Variants in TMOD2 observed in about 807,000 individuals in gnomAD.
The protein encoded by TMOD2 is tropomodulin 2.
TMOD2 carries 22 observed loss-of-function variants against 39.9 expected under a neutral mutation model. The ratio of observed to expected loss-of-function variants is 0.55; its 90% confidence interval spans 0.39 to 0.79. The LOEUF (loss-of-function observed/expected upper bound fraction) is 0.79. Ranked by LOEUF, TMOD2 falls within the 30% of genes least tolerant of loss-of-function variation. The pLI is 0.00. For missense variants in TMOD2, 386 were observed against 413.3 expected, an observed-to-expected ratio of 0.93 and a Z score of 0.57; for synonymous variants, 123 against 146.1, an observed-to-expected ratio of 0.84 and a Z score of 1.14.
intron 6 of TMOD2, 82 bp from the exon 7 acceptor site, chr15:51,782,639 T>G (rs2055938528): frequency 6.8e-6 from 7 of 1,029,276 alleles, no homozygotes; most frequent in Non-Finnish European, 1.1e-5. Context: ...ACATACCTGG[T>G]ATTTAAAGGT....
At chr15:51,762,809 C>G (rs578182424) in intron 1 of TMOD2, among the ~76,000 whole-genome samples, 12 of 152,276 alleles carry the variant, frequency 7.9e-5, no homozygotes, top group African/African-American at 2.6e-4. Context: ...AGTATACATT[C>G]TTTTTGGTCT....
intron 6 of TMOD2, among the ~76,000 whole-genome samples, chr15:51,782,234 G>A (rs1042104259): frequency 2.0e-5 from 3 of 152,166 alleles, no homozygotes; most frequent in Admixed American, 6.5e-5. Context: ...TCATTGAATT[G>A]CAAGAAAGAA....
intron 1 of TMOD2, among the ~76,000 whole-genome samples, chr15:51,758,771 G>A (rs1054724844): frequency 6.6e-6 from 1 of 152,230 alleles, no homozygotes. Context: ...CTTCCCTGAA[G>A]AAGTGAAGCT....
chr15:51,790,361 T>G (rs933448385), intron 7 of TMOD2, among the ~76,000 whole-genome samples: 2 of 152,164 alleles, frequency 1.3e-5, no homozygotes, highest in African/African-American at 4.8e-5. Context: ...GAGGTAATAA[T>G]TAATAGCCTA....
At chr15:51,793,635 C>A (rs917691202) in intron 7 of TMOD2, among the ~76,000 whole-genome samples, 1 of 152,210 alleles carries the variant, frequency 6.6e-6, no homozygotes, top group Non-Finnish European at 1.5e-5. Flanking sequence ...ATGTAATATG[C>A]TCAAATATTT....
intron 5 of TMOD2, among the ~76,000 whole-genome samples, chr15:51,779,297 C>T (rs950435575): frequency 6.6e-6 from 1 of 152,252 alleles, no homozygotes; most frequent in Non-Finnish European, 1.5e-5. Flanking sequence ...GACGTTTATA[C>T]GTACACATAC....
At chr15:51,795,917 T>C (rs922873147) in intron 7 of TMOD2, among the ~76,000 whole-genome samples, 7 of 112,458 alleles carry the variant, frequency 6.2e-5, no homozygotes, top group Admixed American at 1.1e-4. Flanking sequence ...CCACCCGACT[T>C]TTTCTCTCTT....
chr15:51,767,979 G>A (rs2055827187), intron 2 of TMOD2, among the ~76,000 whole-genome samples: 2 of 152,188 alleles, frequency 1.3e-5, no homozygotes, highest in South Asian at 4.1e-4. Context: ...AAGGAAAGAG[G>A]TCTTTTGCCT....
At chr15:51,797,199 C>A (rs565559649) in intron 7 of TMOD2, among the ~76,000 whole-genome samples, 165 of 152,326 alleles carry the variant, frequency 1.1e-3, no homozygotes, top group South Asian at 3.5e-3. Flanking sequence ...ATTTTCCCCC[C>A]ACACTGTACT....
chr15:51,752,842 G>A (rs955097640), intron 1 of TMOD2: 1 of 152,124 alleles, frequency 6.6e-6, no homozygotes, highest in Non-Finnish European at 1.5e-5. Flanking sequence ...TGATTTTCTC[G>A]ATCGACTCTC....
Position 51,809,847 on chromosome 15 carries a change from A to G in TMOD2, c.*1393A>G, listed in dbSNP as rs192094559. 3.2e-4 allele frequency: 49 copies of G among 152,300 alleles called. 1 individual carries two copies. In the East Asian group the frequency reaches 4.1e-3, roughly 13 times the overall value. The allele number at this position is 152,300 out of a possible 1,614,324, so 9.4% of individuals were successfully genotyped here. On this transcript the variant is annotated 3_prime_UTR_variant, in exon 10 of 10. Coordinates refer to ENST00000249700, the MANE Select transcript of TMOD2 (RefSeq NM_014548.4). ...GCTGAGTGTTCCTGAGTTGCCTAGT[A>G]GCAATAAAACAAGTGAATAGGAAAA... is the stretch of plus-strand genomic sequence containing the variant.
chr15:51,784,475 T>C (rs1303159813), intron 7 of TMOD2: 1 of 152,240 alleles, frequency 6.6e-6, no homozygotes, highest in African/African-American at 2.4e-5. Context: ...GTTAAATAAA[T>C]GAATGATCAT....
At chr15:51,794,447 G>T (rs1033838801) in intron 7 of TMOD2, among the ~76,000 whole-genome samples, 2 of 152,100 alleles carry the variant, frequency 1.3e-5, no homozygotes, top group Admixed American at 1.3e-4. Context: ...GTGGTTACTG[G>T]CTCATGCCTG....
At chr15:51,787,962 A>G (rs2055982363) in intron 7 of TMOD2, among the ~76,000 whole-genome samples, 2 of 152,144 alleles carry the variant, frequency 1.3e-5, no homozygotes, top group South Asian at 4.1e-4. Context: ...AAGGAACACA[A>G]CTGCTCACCA....
At chr15:51,791,672 A>AACAGAACT (rs2056013096) in intron 7 of TMOD2, among the ~76,000 whole-genome samples, 1 of 152,220 alleles carries the variant, frequency 6.6e-6, no homozygotes, top group African/African-American at 2.4e-5. Context: ...AGACCAATGG[A>AACAGAACT]ACAGAACGGA....
At chr15:51,757,438 T>G (rs1166815792) in intron 1 of TMOD2, among the ~76,000 whole-genome samples, 3 of 151,836 alleles carry the variant, frequency 2.0e-5, no homozygotes, top group Non-Finnish European at 4.4e-5. Flanking sequence ...ATACTCCTTA[T>G]TTTCCTTCCC....
At chr15:51,783,745 T>TGATAGATAGATAGATA (rs57407023) in intron 7 of TMOD2, 42 of 146,460 alleles carry the variant, frequency 2.9e-4, no homozygotes, top group East Asian at 1.0e-3. Context: ...TAGAACGAGA[T>TGATAGATAGATAGATA]GATAGATAGA....
chr15:51,794,000 T>C (rs1455355751), intron 7 of TMOD2, among the ~76,000 whole-genome samples: 2 of 152,256 alleles, frequency 1.3e-5, no homozygotes, highest in Non-Finnish European at 2.9e-5. Context: ...ATTGTTGAGC[T>C]TTCTTTGCAG....
intron 1 of TMOD2, among the ~76,000 whole-genome samples, chr15:51,751,940 C>T (rs1360503810): frequency 6.6e-6 from 1 of 150,940 alleles, no homozygotes; most frequent in African/African-American, 2.4e-5. Context: ...GGGAGGCGCC[C>T]GCCGGGGTGT....
Sources: allele counts gnomAD v4.1 joint callset (sites outside exome capture counted in the v4.1 genomes callset), GRCh38; gene constraint gnomAD v4.1.1; transcripts MANE v1.5; gene names NCBI Gene and HGNC (gene_info 2026-07-23, HGNC 2026-07-21).